Variants in KNG1 observed in about 807,000 individuals in gnomAD.
The protein encoded by KNG1 is kininogen 1.
KNG1 carries 23 observed loss-of-function variants against 47.8 expected under a neutral mutation model. The ratio of observed to expected loss-of-function variants is 0.48; its 90% CI spans 0.35 to 0.68. The LOEUF (loss-of-function observed/expected upper bound fraction) is 0.68, where lower values mean the gene tolerates loss of function less well. Among genes scored for constraint, KNG1 ranks in the 30% least tolerant of loss-of-function variants. The pLI is 0.01. For missense variants in KNG1, 762 were observed against 790.2 expected (o/e 0.96, Z 0.43); for synonymous variants, 277 against 277.0 (o/e 1.00, Z 0.00).
At chr3:186,730,699 TATATATATATATATATAC>T (rs1183466994) in intron 5 of KNG1, among the ~76,000 whole-genome samples, 3 of 25,148 alleles carry the variant, frequency 1.2e-4, no homozygotes, top group Admixed American at 1.4e-3. Flanking sequence ...TATATATATA[TATATATATATATATATAC>T]ACACACACAC....
intron 9 of KNG1, 140 bp downstream of exon 9, chr3:186,739,554 G>T: frequency 1.4e-6 from 1 of 716,128 alleles, no homozygotes. Flanking sequence ...ACACTTCTGT[G>T]CTGATCTCTG....
rs777761405 is a variant in KNG1, at chr3:186,727,205, C to A, written c.565-32C>A. 5.7e-6 allele frequency: 8 copies of A among 1,402,266 alleles called. No individual in the cohort carries two copies. In the East Asian group the frequency reaches 1.8e-4, roughly 32 times the overall value. The allele number at this position is 1,402,266 out of a possible 1,614,324, so 86.9% of individuals were successfully genotyped here. A position where few individuals can be genotyped will look rare whatever the true frequency, so the allele number is the denominator to read the frequency against. On this transcript the variant is annotated intron_variant, in intron 4 of 9. Transcript: ENST00000644859. Reference sequence around the variant, plus strand: ...CCCACAGCGAATAATGTTTAAACTGCCCTTTAAATATTCAATCTGAAATTG... The same window carrying A: ...CCCACAGCGAATAATGTTTAAACTGACCTTTAAATATTCAATCTGAAATTG...
chr3:186,737,336 TACAG>T (rs1321462643), intron 7 of KNG1, among the ~76,000 whole-genome samples: 1 of 152,184 alleles, frequency 6.6e-6, no homozygotes, highest in African/African-American at 2.4e-5. Context: ...TTTATATTCA[TACAG>T]ACATTGATTC....
At chr3:186,727,011 TA>T (rs1720389845) in intron 4 of KNG1, among the ~76,000 whole-genome samples, 1 of 127,070 alleles carries the variant, frequency 7.9e-6, no homozygotes, top group Admixed American at 8.6e-5. Context: ...TTCAGATGGC[TA>T]GCGGTGTATG....
intron 7 of KNG1, among the ~76,000 whole-genome samples, chr3:186,735,635 A>G (rs1241673662): frequency 1.3e-5 from 2 of 149,910 alleles, no homozygotes; most frequent in Non-Finnish European, 3.0e-5. Context: ...TAATAAAAAA[A>G]AAAAAGAATT....
chr3:186,724,069 C>G (rs1368908221), intron 3 of KNG1, among the ~76,000 whole-genome samples: 1 of 152,182 alleles, frequency 6.6e-6, no homozygotes, highest in Non-Finnish European at 1.5e-5. Flanking sequence ...CTTTGATAGG[C>G]TGATTTACTT....
intron 3 of KNG1, among the ~76,000 whole-genome samples, chr3:186,723,162 G>A (rs1199180070): frequency 6.6e-6 from 1 of 151,680 alleles, no homozygotes; most frequent in Non-Finnish European, 1.5e-5. Context: ...ACATATTTAT[G>A]AGGTACATGT....
At chr3:186,739,291 A>G (rs188100482) in intron 8 of KNG1, 37 bp from the exon 9 acceptor site, 1 of 1,583,166 alleles carries the variant, frequency 6.3e-7, no homozygotes, top group East Asian at 2.2e-5. Flanking sequence ...CTCGTGAATA[A>G]CACTGTCTCT....
chr3:186,718,082 A>G lies in KNG1; in HGVS notation c.195+345A>G, dbSNP rs1438271723. On this transcript the variant is annotated intron_variant, in intron 1 of 9. Transcript: ENST00000644859. ...CACCCACCACCCACCACCCACCACC[A>G]CCAACCACCACCATCCACCACCACC... is the stretch of plus-strand genomic sequence containing the variant. 301 of 204,728 alleles carry G rather than the reference A, an allele frequency of 1.5e-3. 5 individuals carry two copies. In the African/African-American group the frequency reaches 0.018, roughly 12 times the overall value. The allele number at this position is 204,728 out of a possible 1,614,324, so 12.7% of individuals were successfully genotyped here.
Position 186,742,762 on chromosome 3 carries a change from A to G in KNG1, c.*431A>G. On this transcript the variant is annotated 3_prime_UTR_variant, in exon 10 of 10. Coordinates refer to ENST00000644859, the MANE Select transcript of KNG1 (RefSeq NM_001102416.3). Reference sequence around the variant, plus strand: ...AAGAGATTAAATGCTGAACTTATTAATGGAATAGAAATAATAAGGAGGCTG... The same window carrying G: ...AAGAGATTAAATGCTGAACTTATTAGTGGAATAGAAATAATAAGGAGGCTG... The G allele has an allele frequency of 9.9e-7, 1 of 1,008,886 alleles. No homozygotes were observed. The highest frequency in any genetic ancestry group is 1.2e-6 in the Non-Finnish European group (1 of 843,940). 62.5% of individuals were successfully genotyped at this position (1,008,886 alleles called of 1,614,324 possible).
At position 186,739,175 on chromosome 3, in the gene KNG1, T is replaced by C; in HGVS notation, c.1007T>C (p.Leu336Ser). 1 of 1,614,204 alleles carries C rather than the reference T, an allele frequency of 6.2e-7. No homozygotes were observed. The highest frequency in any genetic ancestry group is 8.5e-7 in the Non-Finnish European group (1 of 1,180,020). The change falls in exon 8 of 10, where the codon TTG (leucine) becomes TCG (serine). Residue 336 changes from leucine (L) to serine (S), a missense_variant. By Grantham distance (145) the Leu-to-Ser change is moderately radical (BLOSUM62 -2). Transcript: ENST00000644859. ...TGTTCCAAGGAAAGTAATGAAGAGT[T>C]GACCGAAAGCTGTGAGACCAAAAAA... ...TTCSKESNEE[L>S]TESCETKKLG...
chr3:186,743,668 A>T lies in KNG1; in HGVS notation c.*1337A>T, dbSNP rs779951669. 15 of 1,487,786 alleles carry T rather than the reference A, an allele frequency of 1.0e-5. No homozygotes were observed. The highest frequency in any genetic ancestry group is 1.0e-4 in the Admixed American group (6 of 59,802). 92.2% of individuals were successfully genotyped at this position (1,487,786 alleles called of 1,614,324 possible). A position where few individuals can be genotyped will look rare whatever the true frequency, so the allele number is the denominator to read the frequency against. On this transcript the variant is annotated 3_prime_UTR_variant, in exon 10 of 10. Coordinates refer to ENST00000644859, the MANE Select transcript of KNG1 (RefSeq NM_001102416.3). ...TCCACTTTTTAAAAATGATTGAATG[A>T]TAACATCATATTAACTGCGTTTTAC... is the stretch of plus-strand genomic sequence containing the variant.
Position 186,727,307 on chromosome 3 carries a change from T to G in KNG1, c.635T>G (p.Leu212Arg). Reference protein sequence around the residue: ...VQTNCSKENFLFLTPDCKSLW... With the variant: ...VQTNCSKENFRFLTPDCKSLW... Reference sequence around the variant, plus strand: ...ACGAATTGTTCCAAAGAGAATTTTCTGTTCTTAACTCCAGACTGCAAGTCC... The same window carrying G: ...ACGAATTGTTCCAAAGAGAATTTTCGGTTCTTAACTCCAGACTGCAAGTCC... Residue 212 changes from leucine (L) to arginine (R), a missense_variant, in exon 5 of 10, where the codon CTG (leucine) becomes CGG (arginine). Coordinates refer to ENST00000644859, the MANE Select transcript of KNG1 (RefSeq NM_001102416.3). 1 of 1,613,700 alleles carries G rather than the reference T, an allele frequency of 6.2e-7. No homozygotes were observed. The highest frequency in any genetic ancestry group is 1.3e-5 in the African/African-American group (1 of 75,034).
At position 186,727,333 on chromosome 3, in the gene KNG1, CT is replaced by C; in HGVS notation, c.664del (p.Trp222GlyfsTer61). On this transcript the variant is annotated frameshift_variant, in exon 5 of 10. Transcript: ENST00000644859. LOFTEE classifies it high-confidence loss of function. Reference protein sequence around the residue: ...FLFLTPDCKSLWNGDTGECTD... With the variant: ...FLFLTPDCKSXWNGDTGECTD... ...GTTCTTAACTCCAGACTGCAAGTCC[CT>C]TTGGAATGGTGTAAGTAGGCAAAAA... is the stretch of plus-strand genomic sequence containing the variant. 6.2e-7 allele frequency: 1 copy of C among 1,609,138 alleles called. No individual in the cohort carries two copies. The highest frequency in any genetic ancestry group is 8.5e-7 in the Non-Finnish European group (1 of 1,175,572).
chr3:186,735,020 A>G (rs768472180), intron 7 of KNG1, among the ~76,000 whole-genome samples: 4 of 152,178 alleles, frequency 2.6e-5, no homozygotes, highest in Admixed American at 1.3e-4. Context: ...ACTTGTTTCT[A>G]TCCCAGACAC....
Position 186,738,397 on chromosome 3 carries a change from A to G in KNG1, c.931-702A>G, listed in dbSNP as rs531235375. 10 of 152,276 alleles carry G rather than the reference A, an allele frequency of 6.6e-5. No individual in the cohort carries two copies. The East Asian group carries it at 1.9e-3, about 29-fold the overall frequency. The allele number at this position is 152,276 out of a possible 1,614,324, so 9.4% of individuals were successfully genotyped here. On this transcript the variant is annotated intron_variant, in intron 7 of 9. Transcript: ENST00000644859. ...GTAGTACTAACTCAGTATTTCACCA[A>G]TTCAAGATTTGGCAGGACAATAAGG...
intron 2 of KNG1, chr3:186,720,534 G>C (rs1720161155): frequency 2.8e-6 from 1 of 354,118 alleles, no homozygotes; most frequent in Non-Finnish European, 5.4e-6. Flanking sequence ...CGAGGGGAGG[G>C]GGTGGGTGCT....
intron 7 of KNG1, among the ~76,000 whole-genome samples, chr3:186,734,399 T>C (rs1018279008): frequency 6.6e-6 from 1 of 152,094 alleles, no homozygotes; most frequent in Non-Finnish European, 1.5e-5. Context: ...TGTTATAATA[T>C]TCAGTGAAAA....
chr3:186,731,213 T>C (rs1720522590), intron 5 of KNG1, among the ~76,000 whole-genome samples: 2 of 152,240 alleles, frequency 1.3e-5, no homozygotes, highest in African/African-American at 2.4e-5. Context: ...AAGATGATTC[T>C]TGAAACTGTA....
Sources: gnomAD v4.1 joint callset for allele counts (sites outside exome capture counted in the v4.1 genomes callset) on GRCh38, gnomAD v4.1.1 for gene constraint, MANE v1.5 for transcripts, NCBI Gene and HGNC (gene_info 2026-07-23, HGNC 2026-07-21) for gene names.